The following MYRIP variants were observed in gnomAD, a reference collection of about 807,000 sequenced individuals.
The protein encoded by MYRIP is myosin VIIA and Rab interacting protein.
A neutral mutation model predicts 98.0 loss-of-function variants in MYRIP; 49 were observed. That is an observed-to-expected ratio of 0.50 (90% CI 0.40 to 0.63). The LOEUF (loss-of-function observed/expected upper bound fraction) is 0.63, where lower values mean the gene tolerates loss of function less well. Among genes scored for constraint, MYRIP ranks in the 30% least tolerant of loss-of-function variants. MYRIP has a pLI of 0.00. For missense variants in MYRIP, 1,004 were observed against 1,058.2 expected (o/e 0.95, Z 0.71); for synonymous variants, 404 against 409.5 (o/e 0.99, Z 0.16).
intron 12 of MYRIP, among the ~76,000 whole-genome samples, chr3:40,240,310 G>A (rs1263009650): frequency 6.6e-6 from 1 of 152,150 alleles, no homozygotes; most frequent in Non-Finnish European, 1.5e-5. Context: ...GGTTACTGTA[G>A]CCTTGGGTCT....
intron 4 of MYRIP, among the ~76,000 whole-genome samples, chr3:40,152,660 G>A (rs572965355): frequency 6.1e-4 from 93 of 152,298 alleles, no homozygotes; most frequent in African/African-American, 2.2e-3. Context: ...CTGAGTCTCA[G>A]TCACAGCACT....
chr3:39,945,075 C>A (rs1388207713), intron 2 of MYRIP, among the ~76,000 whole-genome samples: 1 of 151,902 alleles, frequency 6.6e-6, no homozygotes, highest in African/African-American at 2.4e-5. Flanking sequence ...CCCTGTTTCA[C>A]CCAAGAGGAA....
At chr3:39,960,851 A>G (rs1464838248) in intron 2 of MYRIP, among the ~76,000 whole-genome samples, 1 of 152,130 alleles carries the variant, frequency 6.6e-6, no homozygotes, top group Non-Finnish European at 1.5e-5. Flanking sequence ...TTTCTTGGGG[A>G]CCAAGTTGTA....
At chr3:40,071,125 T>C in intron 3 of MYRIP, 2 of 985,206 alleles carry the variant, frequency 2.0e-6, no homozygotes, top group African/African-American at 3.5e-5. Context: ...CATTTTGATG[T>C]CCTCAACTGC....
At chr3:39,982,042 A>C (rs943671068) in intron 2 of MYRIP, among the ~76,000 whole-genome samples, 1 of 152,342 alleles carries the variant, frequency 6.6e-6, no homozygotes, top group Admixed American at 6.5e-5. Context: ...CAATTTCCTC[A>C]ACTATAAATT....
chr3:39,895,454 T>C (rs193085255), intron 1 of MYRIP, among the ~76,000 whole-genome samples: 7 of 152,278 alleles, frequency 4.6e-5, no homozygotes, highest in Admixed American at 3.9e-4. Context: ...CCCAAAGTTC[T>C]GGAATTACAA....
chr3:40,034,795 T>G (rs1205984104), intron 2 of MYRIP, among the ~76,000 whole-genome samples: 2 of 151,848 alleles, frequency 1.3e-5, no homozygotes, highest in Admixed American at 1.3e-4. Flanking sequence ...GTGGCACTAT[T>G]CACAATAGCA....
At chr3:39,834,100 T>A (rs1941551199) in intron 1 of MYRIP, among the ~76,000 whole-genome samples, 1 of 152,228 alleles carries the variant, frequency 6.6e-6, no homozygotes, top group Non-Finnish European at 1.5e-5. Flanking sequence ...CCCATGGGCA[T>A]GACTGCTCAG....
At chr3:39,883,180 G>A (rs1943198750) in intron 1 of MYRIP, among the ~76,000 whole-genome samples, 1 of 152,118 alleles carries the variant, frequency 6.6e-6, no homozygotes. Flanking sequence ...GGCAAGGGGA[G>A]AGATCCTATT....
chr3:39,958,952 A>G lies in MYRIP; in HGVS notation c.110+58026A>G, dbSNP rs1038158792. ...TGCTCATCATCACTGGCCATCAGAG[A>G]AATGCAAATCAAAACCGCAATGAGA... On this transcript the variant is annotated intron_variant, in intron 2 of 16. Coordinates refer to ENST00000302541, the MANE Select transcript of MYRIP (RefSeq NM_015460.4). Among the ~76,000 whole-genome samples, 51 of 152,220 alleles carry G rather than the reference A, an allele frequency of 3.4e-4. 1 individual carries two copies. The highest frequency in any genetic ancestry group is 1.6e-4 in the Non-Finnish European group (11 of 68,050).
chr3:40,100,113 T>C (rs1462724478), intron 3 of MYRIP: 92 of 985,332 alleles, frequency 9.3e-5, no homozygotes, highest in Non-Finnish European at 1.1e-4. Flanking sequence ...ATCCTCTGTC[T>C]GGGCTTTTCT....
rs1434565147 is a variant in MYRIP at position 40,192,309 on chromosome 3, CATATATATATATATATGTCAT to C, written c.1665+1857_1665+1877del. Among the ~76,000 whole-genome samples the C allele has an allele frequency of 1.5e-3, 88 of 57,950 alleles. 6 individuals are homozygous for C. The highest frequency in any genetic ancestry group is 7.6e-3 in the African/African-American group (68 of 8,974). 38.0% of individuals were successfully genotyped at this position (57,950 alleles called of 152,430 possible). ...ATTTACTGCGGCAGTTAGTTTTCTT[CATATATATATATATATGTCAT>C]ATATATATATGTCATATATATATTT... On this transcript the variant is annotated intron_variant, in intron 10 of 16. Coordinates refer to ENST00000302541, the MANE Select transcript of MYRIP (RefSeq NM_015460.4).
intron 2 of MYRIP, among the ~76,000 whole-genome samples, chr3:39,952,380 T>A (rs1339473600): frequency 6.6e-6 from 1 of 152,168 alleles, no homozygotes; most frequent in African/African-American, 2.4e-5. Context: ...AGAGTTTTTA[T>A]CATGAAGGCA....
At chr3:40,031,449 G>T (rs1947259098) in intron 2 of MYRIP, among the ~76,000 whole-genome samples, 2 of 152,150 alleles carry the variant, frequency 1.3e-5, no homozygotes, top group Non-Finnish European at 2.9e-5. Context: ...ATGGCTAGAG[G>T]CTGCAATGCT....
At chr3:39,831,122 T>C (rs1941432188) in intron 1 of MYRIP, among the ~76,000 whole-genome samples, 3 of 152,150 alleles carry the variant, frequency 2.0e-5, no homozygotes, top group African/African-American at 7.2e-5. Context: ...ACCTTCTAAA[T>C]CTCTGGAAGT....
At chr3:40,164,514 G>A (rs994557868) in intron 5 of MYRIP, among the ~76,000 whole-genome samples, 3 of 152,146 alleles carry the variant, frequency 2.0e-5, no homozygotes, top group African/African-American at 7.2e-5. Flanking sequence ...ACATTGTGGA[G>A]GGCAACCCTT....
intron 1 of MYRIP, among the ~76,000 whole-genome samples, chr3:39,865,879 A>G (rs1398638854): frequency 6.6e-6 from 1 of 152,226 alleles, no homozygotes; most frequent in Non-Finnish European, 1.5e-5. Flanking sequence ...GCATATGTTC[A>G]TTGCGGTACT....
chr3:39,952,865 C>T (rs1256697728), intron 2 of MYRIP, among the ~76,000 whole-genome samples: 1 of 152,122 alleles, frequency 6.6e-6, no homozygotes, highest in Non-Finnish European at 1.5e-5. Context: ...AGTATGTGTG[C>T]AGCCTCCCAC....
intron 1 of MYRIP, among the ~76,000 whole-genome samples, chr3:39,883,391 T>C (rs1943206308): frequency 6.6e-6 from 1 of 152,012 alleles, no homozygotes; most frequent in Non-Finnish European, 1.5e-5. Context: ...AAAATAACCG[T>C]GTACAAGTGT....
Sources: allele counts gnomAD v4.1 joint callset (sites outside exome capture counted in the v4.1 genomes callset), GRCh38; gene constraint gnomAD v4.1.1; transcripts MANE v1.5; gene names NCBI Gene and HGNC (gene_info 2026-07-23, HGNC 2026-07-21).